The following PLPP6 variants were observed in gnomAD, a reference collection of about 807,000 sequenced individuals.
The protein encoded by PLPP6 is polyisoprenoid diphosphate/phosphate phosphohydrolase PLPP6.
PLPP6 carries 16 observed loss-of-function variants against 16.5 expected under a neutral mutation model. That is an observed-to-expected ratio of 0.97 (90% CI 0.66 to 1.47). The LOEUF (loss-of-function observed/expected upper bound fraction) is 1.47, where lower values mean the gene tolerates loss of function less well. Among genes scored for constraint, PLPP6 ranks in the 40% most tolerant of loss-of-function variants. PLPP6 has a pLI of 0.00. For synonymous variants in PLPP6, 226 were observed against 188.1 expected (o/e 1.20, Z -1.65); for missense variants, 512 against 396.6 (o/e 1.29, Z -2.47).
Position 4,664,297 on chromosome 9 carries a change from G to T in PLPP6, c.*1034G>T, listed in dbSNP as rs534219740. ...GGGTAATAAAGTGGGGAAAAGGAAC[G>T]TCTTCTCAATGCAAGAACATAAGCT... On this transcript the variant is annotated 3_prime_UTR_variant, in exon 1 of 1. Coordinates refer to ENST00000381883, the MANE Select transcript of PLPP6 (RefSeq NM_203453.5). 6.0e-6 allele frequency: 1 copy of T among 166,842 alleles called. No individual in the cohort carries two copies. Among genetic ancestry groups the T allele is most frequent in the Non-Finnish European group, 1.5e-5 (1 of 68,108 alleles). 10.3% of individuals were successfully genotyped at this position (166,842 alleles called of 1,614,324 possible).
rs1310104502 is a variant in PLPP6, at chr9:4,664,727, C to A, written c.*1464C>A. ...TGATTATGGACTTTGATCTGCCATACGGAGGTTCGGAACCTGGAGAACGGC... is the reference window on the plus strand; with the variant it reads ...TGATTATGGACTTTGATCTGCCATAAGGAGGTTCGGAACCTGGAGAACGGC... On this transcript the variant is annotated 3_prime_UTR_variant, in exon 1 of 1. Transcript: ENST00000381883. 1 of 167,042 alleles carries A rather than the reference C, an allele frequency of 6.0e-6. No homozygotes were observed. Among genetic ancestry groups the A allele is most frequent in the East Asian group, 1.9e-4 (1 of 5,202 alleles). The allele number at this position is 167,042 out of a possible 1,614,324, so 10.3% of individuals were successfully genotyped here.
In PLPP6 at chr9:4,663,400, T is replaced by G. The variant is rs1840335865; in HGVS notation, c.*137T>G. 2 of 923,564 alleles carry G rather than the reference T, an allele frequency of 2.2e-6. No individual in the cohort carries two copies. Among genetic ancestry groups the G allele is most frequent in the Non-Finnish European group, 3.4e-6 (2 of 594,142 alleles). The allele number at this position is 923,564 out of a possible 1,614,324, so 57.2% of individuals were successfully genotyped here. A position where few individuals can be genotyped will look rare whatever the true frequency, so the allele number is the denominator to read the frequency against. ...TTGGGATTTCAGGTGTCCCATGATCTTGATGTGCTGCTAGGCTGGAGCACA... is the reference window on the plus strand; with the variant it reads ...TTGGGATTTCAGGTGTCCCATGATCGTGATGTGCTGCTAGGCTGGAGCACA... On this transcript the variant is annotated 3_prime_UTR_variant, in exon 1 of 1. Coordinates refer to ENST00000381883, the MANE Select transcript of PLPP6 (RefSeq NM_203453.5).
At position 4,662,752 on chromosome 9, in the gene PLPP6, C is replaced by T; in HGVS notation, c.377C>T (p.Ser126Leu). ...KLGVCAGESS[S>L]WGSVRPLMKL... ...GGGGTGTGCGCGGGAGAGAGCTCGT[C>T]GTGGGGCAGCGTGCGACCCCTTATG... The change falls in exon 1 of 1, where the codon TCG (serine) becomes TTG (leucine). Residue 126 changes from serine (S) to leucine (L), a missense_variant. Ser to Leu is a moderately radical substitution (Grantham distance 145). Coordinates refer to ENST00000381883, the MANE Select transcript of PLPP6 (RefSeq NM_203453.5). This position sits in a 1 kb window ranked among gnomAD's most constrained non-coding sequence, Gnocchi z 4.9. The T allele has an allele frequency of 6.2e-7, 1 of 1,603,956 alleles. No homozygotes were observed. The highest frequency in any genetic ancestry group is 8.5e-7 in the Non-Finnish European group (1 of 1,179,922).
At position 4,662,821 on chromosome 9, in the gene PLPP6, G is replaced by C. The variant is rs1291348311; in HGVS notation, c.446G>C (p.Gly149Ala). ...ISGHGIPWLL[G>A]TLYCLCRSDS... ...GGACACGGCATCCCCTGGCTGCTGG[G>C]CACCCTCTACTGCCTGTGCAGGAGC... is the stretch of plus-strand genomic sequence containing the variant. Residue 149 changes from glycine (G) to alanine (A), a missense_variant, in exon 1 of 1, where the codon GGC becomes GCC. Physicochemically the swap from Gly to Ala is moderately conservative, Grantham distance 60 (BLOSUM62 0). Transcript: ENST00000381883. The surrounding 1 kb of genome is among the most constrained non-coding windows in gnomAD (Gnocchi z 4.9). 1 of 1,605,024 alleles carries C rather than the reference G, an allele frequency of 6.2e-7. No individual in the cohort carries two copies.
chr9:4,663,473 C>A lies in PLPP6; in HGVS notation c.*210C>A, dbSNP rs1840353877. 5.4e-6 allele frequency: 3 copies of A among 552,284 alleles called. No homozygotes were observed. The highest frequency in any genetic ancestry group is 2.9e-5 in the East Asian group (1 of 34,156). 34.2% of individuals were successfully genotyped at this position (552,284 alleles called of 1,614,324 possible). ...CCATATTAGGGAAAGCAAAAAAACC[C>A]AAAAAATCCTCTATTGTATATTTAT... On this transcript the variant is annotated 3_prime_UTR_variant, in exon 1 of 1. Coordinates refer to ENST00000381883, the MANE Select transcript of PLPP6 (RefSeq NM_203453.5).
In PLPP6 at chr9:4,662,859, G is replaced by C. The variant is rs746236884; in HGVS notation, c.484G>C (p.Gly162Arg). The C allele has an allele frequency of 6.2e-7, 1 of 1,605,278 alleles. No individual in the cohort carries two copies. The highest frequency in any genetic ancestry group is 8.5e-7 in the Non-Finnish European group (1 of 1,179,960). The change falls in exon 1 of 1, where the codon GGG becomes CGG. Residue 162 changes from glycine to arginine, a missense_variant. Coordinates refer to ENST00000381883, the MANE Select transcript of PLPP6 (RefSeq NM_203453.5). The surrounding 1 kb of genome is among the most constrained non-coding windows in gnomAD (Gnocchi z 4.9). ...YCLCRSDSWA[G>R]REVLMNLLFA... Reference sequence around the variant, plus strand: ...CCTGTGCAGGAGCGACAGCTGGGCCGGGCGCGAGGTGCTGATGAACCTGCT... The same window carrying C: ...CCTGTGCAGGAGCGACAGCTGGGCCCGGCGCGAGGTGCTGATGAACCTGCT...
rs540274905 is a variant in PLPP6 at position 4,663,323 on chromosome 9, A to G, written c.*60A>G. 2.7e-5 allele frequency: 42 copies of G among 1,530,866 alleles called. No homozygotes were observed. The highest frequency in any genetic ancestry group is 3.6e-5 in the Non-Finnish European group (40 of 1,123,336). 94.8% of individuals were successfully genotyped at this position (1,530,866 alleles called of 1,614,324 possible). A position where few individuals can be genotyped will look rare whatever the true frequency, so the allele number is the denominator to read the frequency against. Reference sequence around the variant, plus strand: ...AAGGTTTCCACATTCGATGATGTCAACCTAAACCAGCAGCCATCCCGCTTG... The same window carrying G: ...AAGGTTTCCACATTCGATGATGTCAGCCTAAACCAGCAGCCATCCCGCTTG... On this transcript the variant is annotated 3_prime_UTR_variant, in exon 1 of 1. Coordinates refer to ENST00000381883, the MANE Select transcript of PLPP6 (RefSeq NM_203453.5).
In PLPP6 at chr9:4,662,755, G is replaced by C; in HGVS notation, c.380G>C (p.Trp127Ser). 6.2e-7 allele frequency: 1 copy of C among 1,604,122 alleles called. No homozygotes were observed. Among genetic ancestry groups the C allele is most frequent in the South Asian group, 1.1e-5 (1 of 91,088 alleles). Residue 127 changes from tryptophan (W) to serine (S), a missense_variant, in exon 1 of 1, where the codon TGG becomes TCG. Transcript: ENST00000381883. This position sits in a 1 kb window ranked among gnomAD's most constrained non-coding sequence, Gnocchi z 4.9. ...LGVCAGESSS[W>S]GSVRPLMKLL... ...GTGTGCGCGGGAGAGAGCTCGTCGTGGGGCAGCGTGCGACCCCTTATGAAG... is the reference window on the plus strand; with the variant it reads ...GTGTGCGCGGGAGAGAGCTCGTCGTCGGGCAGCGTGCGACCCCTTATGAAG...
rs188931232 is a variant in PLPP6 at position 4,663,623 on chromosome 9, A to C, written c.*360A>C. ...GTGATAATCCCTAAATCAACATACC[A>C]CTTGTAAACTGAACTTCGAGAAAGA... On this transcript the variant is annotated 3_prime_UTR_variant, in exon 1 of 1. Coordinates refer to ENST00000381883, the MANE Select transcript of PLPP6 (RefSeq NM_203453.5). The C allele has an allele frequency of 5.6e-4, 124 of 222,356 alleles. No homozygotes were observed. Among genetic ancestry groups the C allele is most frequent in the African/African-American group, 2.8e-3 (122 of 43,598 alleles). The allele number at this position is 222,356 out of a possible 1,614,324, so 13.8% of individuals were successfully genotyped here.
Position 4,663,149 on chromosome 9 carries a change from C to T in PLPP6, c.774C>T (p.Val258=). Residue 258 remains valine (V), a synonymous_variant, in exon 1 of 1, where the codon GTC becomes GTT. Coordinates refer to ENST00000381883, the MANE Select transcript of PLPP6 (RefSeq NM_203453.5). ...GGGTCATGCTGGGGCGGCACAATGTCACCGACGTAGCTTTTGGCTTTTTTC... is the reference window on the plus strand; with the variant it reads ...GGGTCATGCTGGGGCGGCACAATGTTACCGACGTAGCTTTTGGCTTTTTTC... ...LSRVMLGRHN[V]TDVAFGFFLG... 6.2e-7 allele frequency: 1 copy of T among 1,614,126 alleles called. No homozygotes were observed. Among genetic ancestry groups the T allele is most frequent in the Non-Finnish European group, 8.5e-7 (1 of 1,180,038 alleles).
Position 4,662,771 on chromosome 9 carries a change from C to G in PLPP6, c.396C>G (p.Pro132=), listed in dbSNP as rs769449675. The change falls in exon 1 of 1, where the codon CCC becomes CCG. Residue 132 remains proline, a synonymous_variant. Coordinates refer to ENST00000381883, the MANE Select transcript of PLPP6 (RefSeq NM_203453.5). The surrounding 1 kb of genome is among the most constrained non-coding windows in gnomAD (Gnocchi z 4.9). ...GESSSWGSVR[P]LMKLLEISGH... ...GCTCGTCGTGGGGCAGCGTGCGACC[C>G]CTTATGAAGCTGCTGGAGATCTCGG... 1.9e-6 allele frequency: 3 copies of G among 1,604,980 alleles called. No homozygotes were observed. The highest frequency in any genetic ancestry group is 2.7e-5 in the African/African-American group (2 of 74,918).
Position 4,662,944 on chromosome 9 carries a change from G to A in PLPP6, c.569G>A (p.Arg190His). 2.5e-6 allele frequency: 4 copies of A among 1,611,546 alleles called. No homozygotes were observed. The highest frequency in any genetic ancestry group is 2.5e-6 in the Non-Finnish European group (3 of 1,179,878). The change falls in exon 1 of 1, where the codon CGC becomes CAC. Residue 190 changes from arginine to histidine, a missense_variant. Transcript: ENST00000381883. This position sits in a 1 kb window ranked among gnomAD's most constrained non-coding sequence, Gnocchi z 4.9. ...VALIKGLVRR[R>H]RPAHNQMDMF... ...TTGATCAAAGGGCTGGTCCGCAGGC[G>A]CCGCCCGGCCCACAACCAGATGGAC...
Position 4,664,548 on chromosome 9 carries a change from G to C in PLPP6, c.*1285G>C, listed in dbSNP as rs1328299351. 6.0e-6 allele frequency: 1 copy of C among 167,028 alleles called. No homozygotes were observed. The highest frequency in any genetic ancestry group is 2.4e-5 in the African/African-American group (1 of 41,424). 10.3% of individuals were successfully genotyped at this position (167,028 alleles called of 1,614,324 possible). On this transcript the variant is annotated 3_prime_UTR_variant, in exon 1 of 1. Transcript: ENST00000381883. ...ATAAGACCAAAGACCACCAAACGCA[G>C]GGTGGACTCTGCTCATTATTCTTTG...
At position 4,662,508 on chromosome 9, in the gene PLPP6, A is replaced by G. The variant is rs1312227748; in HGVS notation, c.133A>G (p.Ser45Gly). ...GSRFEFQSLL[S>G]SRATAVDPTC... ...CAGGTTTGAGTTCCAGTCCCTGCTC[A>G]GCAGCCGCGCCACGGCCGTGGACCC... The change falls in exon 1 of 1, where the codon AGC becomes GGC. Residue 45 changes from serine (S) to glycine (G), a missense_variant. By Grantham distance (56) the Ser-to-Gly change is moderately conservative. Transcript: ENST00000381883. The surrounding 1 kb of genome is among the most constrained non-coding windows in gnomAD (Gnocchi z 4.9). The G allele has an allele frequency of 1.3e-6, 2 of 1,560,168 alleles. No homozygotes were observed. Among genetic ancestry groups the G allele is most frequent in the African/African-American group, 1.4e-5 (1 of 73,630 alleles).
At position 4,663,001 on chromosome 9, in the gene PLPP6, C is replaced by A; in HGVS notation, c.626C>A (p.Ser209Tyr). The A allele has an allele frequency of 1.2e-6, 2 of 1,613,442 alleles. No homozygotes were observed. Among genetic ancestry groups the A allele is most frequent in the Non-Finnish European group, 1.7e-6 (2 of 1,179,926 alleles). ...MFVTLSVDKYSFPSGHATRAA... is the reference protein window; with the variant it reads ...MFVTLSVDKYYFPSGHATRAA... ...GTCACTCTCTCGGTGGACAAGTACTCCTTCCCCTCGGGCCATGCCACAAGG... is the reference window on the plus strand; with the variant it reads ...GTCACTCTCTCGGTGGACAAGTACTACTTCCCCTCGGGCCATGCCACAAGG... Residue 209 changes from serine to tyrosine, a missense_variant, in exon 1 of 1, where the codon TCC (serine) becomes TAC (tyrosine). Transcript: ENST00000381883.
Position 4,662,483 on chromosome 9 carries a change from C to G in PLPP6, c.108C>G (p.Ser36Arg). The G allele has an allele frequency of 6.4e-7, 1 of 1,553,330 alleles. No individual in the cohort carries two copies. The highest frequency in any genetic ancestry group is 8.6e-7 in the Non-Finnish European group (1 of 1,159,316). The change falls in exon 1 of 1, where the codon AGC (serine) becomes AGG (arginine). Residue 36 changes from serine (S) to arginine (R), a missense_variant. By Grantham distance (110) the Ser-to-Arg change is moderately radical. Transcript: ENST00000381883. This position sits in a 1 kb window ranked among gnomAD's most constrained non-coding sequence, Gnocchi z 4.9. The part of the protein sequence containing the change: ...SPAHGGGGGG[S>R]RFEFQSLLSS... Reference sequence around the variant, plus strand: ...CCCATGGCGGCGGTGGCGGCGGCAGCAGGTTTGAGTTCCAGTCCCTGCTCA... The same window carrying G: ...CCCATGGCGGCGGTGGCGGCGGCAGGAGGTTTGAGTTCCAGTCCCTGCTCA...
Position 4,662,604 on chromosome 9 carries a change from G to A in PLPP6, c.229G>A (p.Gly77Ser), listed in dbSNP as rs760313037. 1.3e-6 allele frequency: 2 copies of A among 1,594,424 alleles called. No individual in the cohort carries two copies. Among genetic ancestry groups the A allele is most frequent in the Non-Finnish European group, 1.7e-6 (2 of 1,177,828 alleles). The change falls in exon 1 of 1, where the codon GGC becomes AGC. Residue 77 changes from glycine (G) to serine (S), a missense_variant. Physicochemically the swap from Gly to Ser is moderately conservative, Grantham distance 56. Coordinates refer to ENST00000381883, the MANE Select transcript of PLPP6 (RefSeq NM_203453.5). The surrounding 1 kb of genome is among the most constrained non-coding windows in gnomAD (Gnocchi z 4.9). ...CGGCTCCTTCCCCCTGGCCGCGGCG[G>A]GCCCCTCGCAGTCGCCCGCGCCTCC... ...RRGSFPLAAA[G>S]PSQSPAPPLP... is the part of the protein sequence containing the mutation.
Position 4,662,756 on chromosome 9 carries a change from G to A in PLPP6, c.381G>A (p.Trp127Ter), listed in dbSNP as rs901594410. Residue 127 changes from tryptophan (W) to a stop codon, truncating the protein, a stop_gained, in exon 1 of 1, where the codon TGG becomes TGA. Coordinates refer to ENST00000381883, the MANE Select transcript of PLPP6 (RefSeq NM_203453.5). LOFTEE classifies it high-confidence loss of function. This position sits in a 1 kb window ranked among gnomAD's most constrained non-coding sequence, Gnocchi z 4.9. ...LGVCAGESSS[W>*]GSVRPLMKLL... Reference sequence around the variant, plus strand: ...TGTGCGCGGGAGAGAGCTCGTCGTGGGGCAGCGTGCGACCCCTTATGAAGC... The same window carrying A: ...TGTGCGCGGGAGAGAGCTCGTCGTGAGGCAGCGTGCGACCCCTTATGAAGC... 4 of 1,604,188 alleles carry A rather than the reference G, an allele frequency of 2.5e-6. No individual in the cohort carries two copies. Among genetic ancestry groups the A allele is most frequent in the Non-Finnish European group, 3.4e-6 (4 of 1,179,946 alleles).
rs1423229018 is a variant in PLPP6, at chr9:4,662,862, C to A, written c.487C>A (p.Arg163Ser). 1.9e-6 allele frequency: 3 copies of A among 1,605,278 alleles called. No individual in the cohort carries two copies. The highest frequency in any genetic ancestry group is 2.5e-6 in the Non-Finnish European group (3 of 1,179,976). ...GTGCAGGAGCGACAGCTGGGCCGGG[C>A]GCGAGGTGCTGATGAACCTGCTCTT... Reference protein sequence around the residue: ...CLCRSDSWAGREVLMNLLFAL... With the variant: ...CLCRSDSWAGSEVLMNLLFAL... Residue 163 changes from arginine (R) to serine (S), a missense_variant, in exon 1 of 1, where the codon CGC becomes AGC. Transcript: ENST00000381883. The surrounding 1 kb of genome is among the most constrained non-coding windows in gnomAD (Gnocchi z 4.9).
Sources: allele counts gnomAD v4.1 joint callset, GRCh38; gene constraint gnomAD v4.1.1; non-coding constraint Gnocchi (gnomAD v3.1); transcripts MANE v1.5; gene names NCBI Gene and HGNC (gene_info 2026-07-23, HGNC 2026-07-21).